The following KAT6A variants were observed in gnomAD, a reference collection of about 807,000 sequenced individuals.
KAT6A encodes the protein histone acetyltransferase KAT6A.
In KAT6A, 9 loss-of-function variants were observed where a neutral mutation model predicts 198.4. That is an observed-to-expected ratio of 0.05 (90% CI 0.03 to 0.08). The LOEUF is 0.08. KAT6A is among the 10% of genes least tolerant of loss of function. The pLI, the probability that KAT6A is intolerant of heterozygous loss-of-function variation, is 1.00. For synonymous variants in KAT6A, 890 were observed against 883.0 expected, an observed-to-expected ratio of 1.01 and a Z score of -0.14; for missense variants, 2,077 against 2,509.9, an observed-to-expected ratio of 0.83 and a Z score of 3.69.
intron 2 of KAT6A, among the ~76,000 whole-genome samples, chr8:42,004,069 T>C (rs903572456): frequency 5.9e-5 from 9 of 152,222 alleles, no homozygotes; most frequent in Admixed American, 5.2e-4. Flanking sequence ...TCCTCAATGT[T>C]ACCTACACAG....
Position 41,978,757 on chromosome 8 carries a change from A to G in KAT6A, c.928T>C (p.Cys310Arg), listed in dbSNP as rs761920137. ...MPKGMWICQI[C>R]RPRKKGRKLL... is the part of the protein sequence containing the mutation. ...TTTCGTCCTTTTTTCCTAGGTCGAC[A>G]TATTTGACATATCCACATGCCTATA... is the stretch of plus-strand genomic sequence containing the variant. The change falls in exon 6 of 17, where the codon TGT becomes CGT. Residue 310 changes from cysteine (C) to arginine (R), a missense_variant. Around this residue, in one of 13 missense-constraint regions of KAT6A, gnomAD observed 89 missense variants for 154.4 expected, o/e 0.58. Coordinates refer to ENST00000265713, the MANE Select transcript of KAT6A (RefSeq NM_006766.5). 6.2e-7 allele frequency: 1 copy of G among 1,613,920 alleles called. No homozygotes were observed. The highest frequency in any genetic ancestry group is 8.5e-7 in the Non-Finnish European group (1 of 1,179,912).
At chr8:41,975,182 G>A (rs557758624) in intron 7 of KAT6A, among the ~76,000 whole-genome samples, 3 of 152,040 alleles carry the variant, frequency 2.0e-5, no homozygotes, top group South Asian at 4.2e-4. Context: ...ATGCATCAAC[G>A]TTCAAAAAAA....
At chr8:42,040,222 G>A (rs1259946617) in intron 2 of KAT6A, among the ~76,000 whole-genome samples, 1 of 151,752 alleles carries the variant, frequency 6.6e-6, no homozygotes, top group African/African-American at 2.4e-5. Context: ...CTATTAATAG[G>A]TTTCTATAAG....
chr8:42,039,055 T>G (rs1041369417), intron 2 of KAT6A, among the ~76,000 whole-genome samples: 2 of 152,276 alleles, frequency 1.3e-5, no homozygotes, highest in South Asian at 4.1e-4. Context: ...ACTATGACTT[T>G]CATATGAAAG....
At chr8:42,046,232 A>C (rs962811554) in intron 2 of KAT6A, among the ~76,000 whole-genome samples, 1 of 152,126 alleles carries the variant, frequency 6.6e-6, no homozygotes, top group African/African-American at 2.4e-5. Flanking sequence ...AGCAAGTGTA[A>C]TTACAATAAA....
At chr8:42,026,713 G>A (rs1006918451) in intron 2 of KAT6A, among the ~76,000 whole-genome samples, 1 of 152,170 alleles carries the variant, frequency 6.6e-6, no homozygotes, top group South Asian at 2.1e-4. Context: ...TCTGCAAAGA[G>A]GGACAATCTG....
At chr8:42,012,887 G>A (rs1826087564) in intron 2 of KAT6A, among the ~76,000 whole-genome samples, 1 of 152,092 alleles carries the variant, frequency 6.6e-6, no homozygotes, top group Non-Finnish European at 1.5e-5. Flanking sequence ...CAACAAAAAG[G>A]AACAAACTAT....
In KAT6A at chr8:41,994,323, T is replaced by C. The variant is rs572153347; in HGVS notation, c.601-6760A>G. On this transcript the variant is annotated intron_variant, in intron 2 of 16. Coordinates refer to ENST00000265713, the MANE Select transcript of KAT6A (RefSeq NM_006766.5). ...CTTCCATCTCAGATTAAATGCCACA[T>C]GAACTACAAGGTACTGTGTGATCTG... Among the ~76,000 whole-genome samples the C allele has an allele frequency of 3.3e-5, 5 of 152,300 alleles. No individual in the cohort carries two copies. The South Asian group carries it at 6.2e-4, about 19-fold the overall frequency.
rs964963383 is a variant in KAT6A, at chr8:41,932,050, C to G, written c.*155G>C. The G allele has an allele frequency of 7.0e-6, 5 of 712,752 alleles. No homozygotes were observed. The Admixed American group carries it at 1.6e-4, about 22-fold the overall frequency. 44.2% of individuals were successfully genotyped at this position (712,752 alleles called of 1,614,324 possible). On this transcript the variant is annotated 3_prime_UTR_variant, in exon 17 of 17. Transcript: ENST00000265713. ...AAATGAACCCAAAAAAAGAGAAGATCAGGTTTTCTAAAAAATAAAATAAAC... is the reference window on the plus strand; with the variant it reads ...AAATGAACCCAAAAAAAGAGAAGATGAGGTTTTCTAAAAAATAAAATAAAC...
intron 2 of KAT6A, among the ~76,000 whole-genome samples, chr8:42,028,560 C>T (rs2150920331): frequency 6.6e-6 from 1 of 152,276 alleles, no homozygotes; most frequent in Non-Finnish European, 1.5e-5. Flanking sequence ...CTCCTAATCA[C>T]TTTTGGTTTC....
chr8:41,932,173 T>C lies in KAT6A; in HGVS notation c.*32A>G, dbSNP rs1821579474. The C allele has an allele frequency of 2.7e-6, 4 of 1,502,996 alleles. No individual in the cohort carries two copies. The highest frequency in any genetic ancestry group is 1.4e-5 in the African/African-American group (1 of 71,710). The allele number at this position is 1,502,996 out of a possible 1,614,324, so 93.1% of individuals were successfully genotyped here. ...TATAAAAGGTTCCTTTATTTATATA[T>C]ATTTAAGTTTTTGATTGCAAGTTCA... On this transcript the variant is annotated 3_prime_UTR_variant, in exon 17 of 17. Transcript: ENST00000265713.
At chr8:42,017,109 A>G (rs1437896399) in intron 2 of KAT6A, among the ~76,000 whole-genome samples, 1 of 152,196 alleles carries the variant, frequency 6.6e-6, no homozygotes, top group Non-Finnish European at 1.5e-5. Context: ...TCAGCCTTAC[A>G]GTGGACTCAT....
intron 2 of KAT6A, among the ~76,000 whole-genome samples, chr8:42,036,536 C>T (rs558481799): frequency 6.6e-6 from 1 of 152,218 alleles, no homozygotes; most frequent in South Asian, 2.1e-4. Flanking sequence ...TCGCTTGAAC[C>T]CAGGAGATGG....
intron 11 of KAT6A, 135 bp from the exon 12 acceptor site, chr8:41,946,819 A>G: frequency 1.6e-6 from 1 of 616,790 alleles, no homozygotes; most frequent in East Asian, 2.8e-5. Context: ...ATCAACAAAC[A>G]ACTACCCAGC....
chr8:42,041,310 A>T (rs1827657228), intron 2 of KAT6A, among the ~76,000 whole-genome samples: 1 of 152,242 alleles, frequency 6.6e-6, no homozygotes, highest in Non-Finnish European at 1.5e-5. Flanking sequence ...ATCTGCTAAG[A>T]CAAAATTAAT....
intron 8 of KAT6A, among the ~76,000 whole-genome samples, chr8:41,972,975 AG>A (rs1190149248): frequency 6.6e-6 from 1 of 152,258 alleles, no homozygotes; most frequent in Non-Finnish European, 1.5e-5. Flanking sequence ...ACAAGCTTTG[AG>A]GGCAACCTGC....
At chr8:41,993,359 T>C (rs1265440770) in intron 2 of KAT6A, among the ~76,000 whole-genome samples, 1 of 152,212 alleles carries the variant, frequency 6.6e-6, no homozygotes, top group East Asian at 1.9e-4. Flanking sequence ...GACAAGTTTA[T>C]ACAATATTGA....
At chr8:42,041,044 A>C (rs1827641807) in intron 2 of KAT6A, among the ~76,000 whole-genome samples, 1 of 151,730 alleles carries the variant, frequency 6.6e-6, no homozygotes, top group Non-Finnish European at 1.5e-5. Flanking sequence ...AAAATACAAA[A>C]ATTAGCCAGG....
intron 2 of KAT6A, among the ~76,000 whole-genome samples, chr8:42,040,666 C>T (rs1827612765): frequency 8.0e-6 from 1 of 125,702 alleles, no homozygotes; most frequent in African/African-American, 3.1e-5. Context: ...ACCCAGGAGG[C>T]GGAGGCTGCA....
Sources: gnomAD v4.1 joint callset for allele counts (sites outside exome capture counted in the v4.1 genomes callset) on GRCh38, gnomAD v4.1.1 for gene constraint, gnomAD v4.1.1 regional missense constraint, MANE v1.5 for transcripts, NCBI Gene and HGNC (gene_info 2026-07-23, HGNC 2026-07-21) for gene names.